CATSPERT: variants seen among roughly 807,000 people sequenced by gnomAD.
CATSPERT encodes the protein catsper channel auxiliary subunit tau.
the CATSPERT span, among the ~76,000 whole-genome samples, chr2:201,529,634 G>A: frequency 1.3e-5 from 2 of 152,082 alleles, no homozygotes; most frequent in African/African-American, 4.8e-5. Context: ...ATGTGGAAAT[G>A]TGGAATTGTA....
At chr2:201,571,951 C>G in the CATSPERT span, 30 of 1,613,170 alleles carry the variant, frequency 1.9e-5, no homozygotes, top group East Asian at 6.7e-4. Context: ...GTCACGGGAT[C>G]TGTTCTTTCT....
At chr2:201,535,773 A>C in the CATSPERT span, 1,947 of 1,355,892 alleles carry the variant, frequency 1.4e-3, 2 homozygotes, top group Non-Finnish European at 1.6e-3. Context: ...TTTGTATTTA[A>C]TTTTTTAAAA....
At chr2:201,614,023 G>C in the CATSPERT span, among the ~76,000 whole-genome samples, 1 of 152,170 alleles carries the variant, frequency 6.6e-6, no homozygotes, top group Non-Finnish European at 1.5e-5. Context: ...AGAATAAAAA[G>C]AAATGAACAA....
chr2:201,611,215 T>C, the CATSPERT span, among the ~76,000 whole-genome samples: 2 of 152,134 alleles, frequency 1.3e-5, no homozygotes, highest in East Asian at 1.9e-4. Flanking sequence ...GAAAAACCTA[T>C]AGATTCCTAC....
At chr2:201,547,643 G>A in the CATSPERT span, 1 of 1,139,918 alleles carries the variant, frequency 8.8e-7, no homozygotes, top group Admixed American at 2.7e-5. Flanking sequence ...AATGAAAAAA[G>A]CAAGTGATAG....
the CATSPERT span, among the ~76,000 whole-genome samples, chr2:201,505,154 C>T: frequency 6.6e-6 from 1 of 152,094 alleles, no homozygotes; most frequent in Non-Finnish European, 1.5e-5. Flanking sequence ...GGCTGGAGTG[C>T]AGTGGCACAA....
At chr2:201,514,364 A>G in the CATSPERT span, among the ~76,000 whole-genome samples, 1 of 152,212 alleles carries the variant, frequency 6.6e-6, no homozygotes, top group Non-Finnish European at 1.5e-5. Context: ...GATCCTAGGA[A>G]CGTAAAGTTG....
chr2:201,611,451 G>A, the CATSPERT span, among the ~76,000 whole-genome samples: 1 of 152,114 alleles, frequency 6.6e-6, no homozygotes, highest in Non-Finnish European at 1.5e-5. Flanking sequence ...CAAACTTATG[G>A]GATGCTGCGA....
chr2:201,602,775 C>A, the CATSPERT span, among the ~76,000 whole-genome samples: 1 of 152,008 alleles, frequency 6.6e-6, no homozygotes, highest in African/African-American at 2.4e-5. Flanking sequence ...AGGGTTGGGA[C>A]TAGTAAGCCA....
the CATSPERT span, chr2:201,550,336 G>A: frequency 1.3e-5 from 2 of 152,234 alleles, no homozygotes; most frequent in South Asian, 4.2e-4. Flanking sequence ...GTTAAAGAAT[G>A]AAAGCATTGA....
the CATSPERT span, among the ~76,000 whole-genome samples, chr2:201,580,094 C>T: frequency 6.6e-6 from 1 of 152,172 alleles, no homozygotes; most frequent in Admixed American, 6.5e-5. Flanking sequence ...AACTCTCCCA[C>T]CTTAGTCTCC....
chr2:201,504,092 A>C, the CATSPERT span, among the ~76,000 whole-genome samples: 1 of 152,212 alleles, frequency 6.6e-6, no homozygotes, highest in African/African-American at 2.4e-5. Context: ...ATCAGTATTC[A>C]GCCAAAGACT....
At chr2:201,599,098 C>T in the CATSPERT span, among the ~76,000 whole-genome samples, 1 of 152,132 alleles carries the variant, frequency 6.6e-6, no homozygotes, top group African/African-American at 2.4e-5. Context: ...CCTGACCATT[C>T]TGATACTTCC....
chr2:201,505,959 A>G, the CATSPERT span, among the ~76,000 whole-genome samples: 1 of 152,168 alleles, frequency 6.6e-6, no homozygotes, highest in African/African-American at 2.4e-5. Context: ...TTAAAAAACT[A>G]ATCTACTTAT....
At chr2:201,616,170 C>A in the CATSPERT span, among the ~76,000 whole-genome samples, 2 of 152,158 alleles carry the variant, frequency 1.3e-5, no homozygotes, top group African/African-American at 4.8e-5. Context: ...CTATTCCAAT[C>A]AATAGAAAAA....
At chr2:201,587,872 A>G in the CATSPERT span, among the ~76,000 whole-genome samples, 714 of 152,308 alleles carry the variant, frequency 4.7e-3, 6 homozygotes, top group African/African-American at 0.016. Context: ...GAACACCACT[A>G]TGCAAATAAA....
At chr2:201,501,697 G>A in the CATSPERT span, among the ~76,000 whole-genome samples, 1 of 152,066 alleles carries the variant, frequency 6.6e-6, no homozygotes, top group Admixed American at 6.5e-5. Flanking sequence ...ATTAAGATCA[G>A]AAATGGAAGT....
At chr2:201,572,980 T>C in the CATSPERT span, among the ~76,000 whole-genome samples, 5 of 152,250 alleles carry the variant, frequency 3.3e-5, no homozygotes, top group South Asian at 1.0e-3. Flanking sequence ...AAGGAAAAAC[T>C]GAAAGTGAAA....
At chr2:201,515,201 AGTTTTTTTTTTTTTT>A in the CATSPERT span, among the ~76,000 whole-genome samples, 14 of 70,272 alleles carry the variant, frequency 2.0e-4, 3 homozygotes, top group Admixed American at 1.1e-3. Context: ...ATCTGCCCAT[AGTTTTTTTTTTTTTT>A]TTTTTTTTTT....
Sources: gnomAD v4.1 joint callset for allele counts (sites outside exome capture counted in the v4.1 genomes callset) on GRCh38, gnomAD v4.1.1 for gene constraint, MANE v1.5 for transcripts, NCBI Gene and HGNC (gene_info 2026-07-23, HGNC 2026-07-21) for gene names.